Variants in ZNF804B observed in about 807,000 individuals in gnomAD.
ZNF804B encodes zinc finger 804B.
ZNF804B carries 80 observed loss-of-function variants against 101.4 expected under a neutral mutation model. That is an observed-to-expected ratio of 0.79 (90% CI 0.66 to 0.95). The LOEUF (loss-of-function observed/expected upper bound fraction) is 0.95. Ranked by LOEUF, ZNF804B falls within the 40% of genes least tolerant of loss-of-function variation. The probability of loss-of-function intolerance (pLI) is 0.00; values close to 1 mark genes in which losing one functional copy is unlikely to be tolerated. For missense variants in ZNF804B, 1,673 were observed against 1,561.9 expected (o/e 1.07, Z -1.20); for synonymous variants, 622 against 558.8 (o/e 1.11, Z -1.59).
chr7:88,796,092 A>G (rs1159196119), intron 1 of ZNF804B, among the ~76,000 whole-genome samples: 2 of 152,056 alleles, frequency 1.3e-5, no homozygotes, highest in African/African-American at 4.8e-5. Context: ...CTATAGTAAG[A>G]TTTGGCTTAC....
intron 1 of ZNF804B, among the ~76,000 whole-genome samples, chr7:89,137,266 C>G (rs778647842): frequency 6.6e-6 from 1 of 151,928 alleles, no homozygotes; most frequent in East Asian, 1.9e-4. Flanking sequence ...ATGTAATTTT[C>G]ATTTTACTTT....
At chr7:88,842,676 T>C (rs377202156) in intron 1 of ZNF804B, among the ~76,000 whole-genome samples, 1 of 152,214 alleles carries the variant, frequency 6.6e-6, no homozygotes, top group South Asian at 2.1e-4. Flanking sequence ...TTCAACAGCA[T>C]GCAATTTTCC....
At chr7:88,890,061 A>G (rs1792193083) in intron 1 of ZNF804B, among the ~76,000 whole-genome samples, 1 of 152,126 alleles carries the variant, frequency 6.6e-6, no homozygotes, top group South Asian at 2.1e-4. Context: ...AAATAAAATT[A>G]TATTGACAAT....
intron 1 of ZNF804B, among the ~76,000 whole-genome samples, chr7:88,892,163 TA>T (rs1792223600): frequency 6.9e-6 from 1 of 145,158 alleles, no homozygotes; most frequent in South Asian, 2.1e-4. Flanking sequence ...ACAAATTAGA[TA>T]TTGTTGTTTA....
chr7:89,099,086 T>TCA (rs35368350), intron 1 of ZNF804B, among the ~76,000 whole-genome samples: 13,015 of 146,898 alleles, frequency 0.089, 852 homozygotes, highest in African/African-American at 0.18. Flanking sequence ...TAACATATAT[T>TCA]CACACACACA....
intron 1 of ZNF804B, among the ~76,000 whole-genome samples, chr7:89,000,248 AG>A (rs1788263454): frequency 6.6e-6 from 1 of 152,006 alleles, no homozygotes; most frequent in African/African-American, 2.4e-5. Flanking sequence ...TACAAAAGTC[AG>A]GGTGTCTCAT....
intron 1 of ZNF804B, among the ~76,000 whole-genome samples, chr7:89,155,747 A>G (rs1198962161): frequency 2.0e-5 from 3 of 152,094 alleles, no homozygotes; most frequent in South Asian, 4.1e-4. Flanking sequence ...TTGTGTCTTT[A>G]TATCATTGCC....
intron 1 of ZNF804B, among the ~76,000 whole-genome samples, chr7:88,962,220 A>G (rs756893591): frequency 2.0e-5 from 3 of 151,310 alleles, no homozygotes; most frequent in Non-Finnish European, 4.4e-5. Context: ...TAGAATTTGT[A>G]TAGAACGCTG....
At chr7:88,820,995 C>T (rs1283073792) in intron 1 of ZNF804B, among the ~76,000 whole-genome samples, 1 of 152,142 alleles carries the variant, frequency 6.6e-6, no homozygotes, top group Non-Finnish European at 1.5e-5. Flanking sequence ...TCACAGCTAC[C>T]TCATGAGGGC....
chr7:89,060,393 G>A (rs2158143), intron 1 of ZNF804B, among the ~76,000 whole-genome samples: 46,784 of 151,906 alleles, frequency 0.31, 7,571 homozygotes, highest in East Asian at 0.52. Context: ...TCTACTTAAT[G>A]GTAAAGATAA....
chr7:88,937,672 G>GAA (rs72429448), intron 1 of ZNF804B, among the ~76,000 whole-genome samples: 2 of 151,366 alleles, frequency 1.3e-5, no homozygotes, highest in East Asian at 2.0e-4. Flanking sequence ...ATATCCAAAA[G>GAA]AAAAAAAATG....
chr7:88,855,484 A>T (rs1474142478), intron 1 of ZNF804B, among the ~76,000 whole-genome samples: 14 of 151,868 alleles, frequency 9.2e-5, no homozygotes, highest in African/African-American at 1.4e-4. Flanking sequence ...GTTTGAGTTC[A>T]TCGTAGATTC....
At chr7:88,932,976 A>G (rs1340851109) in intron 1 of ZNF804B, among the ~76,000 whole-genome samples, 3 of 151,830 alleles carry the variant, frequency 2.0e-5, no homozygotes, top group Admixed American at 6.6e-5. Context: ...TACCAAAACC[A>G]TGAAAGCACA....
rs145307453 is a variant in ZNF804B at position 88,775,859 on chromosome 7, G to A, written c.108+15775G>A. Among the ~76,000 whole-genome samples, 282 of 152,304 alleles carry A rather than the reference G, an allele frequency of 1.9e-3. 2 individuals are homozygous for A. Among genetic ancestry groups the A allele is most frequent in the African/African-American group, 6.6e-3 (273 of 41,564 alleles). ...ATTTGAAAATAAAATTGTGATGTGT[G>A]TAGGGCTTTGTGGTATAGTTTATAT... On this transcript the variant is annotated intron_variant, in intron 1 of 3. Transcript: ENST00000333190.
chr7:88,854,470 T>TCCTTTCCTTTCCTTTCCTTTC (rs1491271803), intron 1 of ZNF804B, among the ~76,000 whole-genome samples: 1 of 102,858 alleles, frequency 9.7e-6, no homozygotes, highest in African/African-American at 4.0e-5. Flanking sequence ...TTTCTTTCTT[T>TCCTTTCCTTTCCTTTCCTTTC]CTTTCTCTTT....
At chr7:89,132,547 G>T (rs1368777917) in intron 1 of ZNF804B, among the ~76,000 whole-genome samples, 2 of 151,974 alleles carry the variant, frequency 1.3e-5, no homozygotes, top group Non-Finnish European at 2.9e-5. Flanking sequence ...CTACTGCTGT[G>T]ACCTTAGGTA....
intron 1 of ZNF804B, among the ~76,000 whole-genome samples, chr7:88,836,794 A>C (rs115399354): frequency 6.6e-6 from 1 of 151,474 alleles, no homozygotes; most frequent in Non-Finnish European, 1.5e-5. Context: ...AAGTCTCCTC[A>C]CCTTTGGAAG....
chr7:88,799,185 T>C (rs1790539506), intron 1 of ZNF804B, among the ~76,000 whole-genome samples: 2 of 152,056 alleles, frequency 1.3e-5, no homozygotes, highest in Non-Finnish European at 2.9e-5. Context: ...GAATAACAAA[T>C]TTATCATGTC....
At chr7:89,325,222 C>T (rs1413357411) in intron 2 of ZNF804B, among the ~76,000 whole-genome samples, 3 of 151,902 alleles carry the variant, frequency 2.0e-5, no homozygotes, top group African/African-American at 7.2e-5. Flanking sequence ...CTTGAGCACT[C>T]AGCACTGACT....
Sources: allele counts gnomAD v4.1 joint callset (sites outside exome capture counted in the v4.1 genomes callset), GRCh38; gene constraint gnomAD v4.1.1; transcripts MANE v1.5; gene names NCBI Gene and HGNC (gene_info 2026-07-23, HGNC 2026-07-21).